TCP11L2: variants seen among roughly 807,000 people sequenced by gnomAD.
The protein encoded by TCP11L2 is t-complex 11 like 2.
In TCP11L2, 39 loss-of-function variants were observed where a neutral mutation model predicts 50.7. That is an observed-to-expected ratio of 0.77 (90% CI 0.60 to 1.01). The LOEUF is 1.01. Among genes scored for constraint, TCP11L2 ranks in the 50% least tolerant of loss-of-function variants. The pLI is 0.00. For missense variants in TCP11L2, 612 were observed against 614.7 expected (o/e 1.00, Z 0.05); for synonymous variants, 192 against 219.3 (o/e 0.88, Z 1.10).
At chr12:106,319,307 T>C (rs570191347) in intron 4 of TCP11L2, among the ~76,000 whole-genome samples, 6 of 152,172 alleles carry the variant, frequency 3.9e-5, no homozygotes, top group East Asian at 3.8e-4. Context: ...TACCATTCCA[T>C]TGGGGATTGG....
chr12:106,339,025 G>A (rs1184370563), intron 8 of TCP11L2, among the ~76,000 whole-genome samples: 1 of 152,134 alleles, frequency 6.6e-6, no homozygotes, highest in East Asian at 1.9e-4. Context: ...CATGCCTGTA[G>A]TCCCAGCTAC....
At chr12:106,316,238 A>G (rs1168570660) in intron 3 of TCP11L2, among the ~76,000 whole-genome samples, 1 of 117,372 alleles carries the variant, frequency 8.5e-6, no homozygotes, top group Non-Finnish European at 1.9e-5. Context: ...AGCCCCCAAC[A>G]GTTCATCTTC....
intron 2 of TCP11L2, chr12:106,312,220 A>G: frequency 2.4e-6 from 1 of 410,432 alleles, no homozygotes; most frequent in South Asian, 1.8e-5. Flanking sequence ...TGTACGGTAA[A>G]ATTAACCATT....
At chr12:106,344,347 T>G (rs941949528) in intron 9 of TCP11L2, among the ~76,000 whole-genome samples, 5 of 152,016 alleles carry the variant, frequency 3.3e-5, no homozygotes, top group African/African-American at 1.2e-4. Context: ...AATATAAAGA[T>G]AAAAAAGATA....
intron 8 of TCP11L2, among the ~76,000 whole-genome samples, chr12:106,337,739 T>C (rs1336053684): frequency 1.3e-5 from 2 of 152,242 alleles, no homozygotes; most frequent in Admixed American, 6.5e-5. Context: ...GGAATAATAA[T>C]TGTATTAATA....
rs563728800 is a variant in TCP11L2 at position 106,310,998 on chromosome 12, A to C, written c.-35-43A>C. 9.9e-5 allele frequency: 147 copies of C among 1,487,128 alleles called. 1 individual carries two copies. In the African/African-American group the frequency reaches 1.7e-3, roughly 18 times the overall value. 92.1% of individuals were successfully genotyped at this position (1,487,128 alleles called of 1,614,324 possible). ...GAAGAAGCATTGGTGGTGCCTGTGG[A>C]AGTACCACAGAACATTGACGCAGGG... is the stretch of plus-strand genomic sequence containing the variant. On this transcript the variant is annotated intron_variant, in intron 1 of 9. Transcript: ENST00000299045.
rs1222375523 is a variant in TCP11L2, at chr12:106,311,159, T to C, written c.84T>C (p.Ala28=). The change falls in exon 2 of 10, where the codon GCT becomes GCC. Residue 28 remains alanine, a synonymous_variant. Transcript: ENST00000299045. The part of the protein sequence containing the change: ...SDSSRFSESM[A]SLSDYECSRQ... ...CTTCCCGGTTTTCCGAAAGCATGGC[T>C]TCGCTCAGTGACTATGAATGCTCCA... The C allele has an allele frequency of 6.2e-7, 1 of 1,614,240 alleles. No homozygotes were observed.
intron 8 of TCP11L2, among the ~76,000 whole-genome samples, chr12:106,338,868 C>T (rs112497211): frequency 0.081 from 12,395 of 152,260 alleles, 589 homozygotes; most frequent in Middle Eastern, 0.15. Context: ...AGGCTGGGCA[C>T]GGTGGCTCAC....
intron 2 of TCP11L2, among the ~76,000 whole-genome samples, chr12:106,312,033 A>G (rs932945218): frequency 2.0e-5 from 3 of 152,246 alleles, no homozygotes; most frequent in African/African-American, 7.2e-5. Flanking sequence ...ATTGCCTATG[A>G]TATCACTCAA....
chr12:106,324,303 G>C (rs1395653732), intron 6 of TCP11L2: 1 of 152,222 alleles, frequency 6.6e-6, no homozygotes, highest in Non-Finnish European at 1.5e-5. Context: ...TCTAGCCTGA[G>C]GGACTGCAGG....
At chr12:106,333,786 G>A (rs995263075) in intron 6 of TCP11L2, among the ~76,000 whole-genome samples, 3 of 151,986 alleles carry the variant, frequency 2.0e-5, no homozygotes, top group African/African-American at 4.8e-5. Flanking sequence ...ACATATAACA[G>A]GTATAAAGTA....
intron 8 of TCP11L2, among the ~76,000 whole-genome samples, chr12:106,338,355 C>A (rs1017169311): frequency 1.4e-5 from 1 of 72,796 alleles, no homozygotes; most frequent in Non-Finnish European, 3.5e-5. Context: ...ATCTGTTGTT[C>A]CCCTTTATGT....
intron 9 of TCP11L2, among the ~76,000 whole-genome samples, chr12:106,344,098 G>T (rs1430273783): frequency 6.6e-6 from 1 of 151,696 alleles, no homozygotes; most frequent in Non-Finnish European, 1.5e-5. Flanking sequence ...GCAGGAGGAT[G>T]GCTTGAGGCC....
intron 6 of TCP11L2, among the ~76,000 whole-genome samples, chr12:106,327,602 G>T (rs904237430): frequency 1.3e-5 from 2 of 152,168 alleles, no homozygotes; most frequent in Admixed American, 1.3e-4. Context: ...GGTCATTATT[G>T]CTTAGCAAGA....
chr12:106,321,564 A>G lies in TCP11L2; in HGVS notation c.493A>G (p.Arg165Gly). Residue 165 changes from arginine to glycine, a missense_variant, in exon 5 of 10, where the codon AGG (arginine) becomes GGG (glycine). Physicochemically the swap from Arg to Gly is moderately radical, Grantham distance 125 (BLOSUM62 -2). Coordinates refer to ENST00000299045, the MANE Select transcript of TCP11L2 (RefSeq NM_152772.3). ...TGAAGTTTTGGACACAGACCTCATT[A>G]GGCAGCAGGCTGAGCACAGTGCTGT... is the stretch of plus-strand genomic sequence containing the variant. ...ICEVLDTDLIRQQAEHSAVDI... is the reference protein window; with the variant it reads ...ICEVLDTDLIGQQAEHSAVDI... 6.2e-7 allele frequency: 1 copy of G among 1,614,228 alleles called. No individual in the cohort carries two copies. The highest frequency in any genetic ancestry group is 2.2e-5 in the East Asian group (1 of 44,890).
intron 6 of TCP11L2, among the ~76,000 whole-genome samples, chr12:106,332,412 A>C (rs1270598818): frequency 6.6e-6 from 1 of 152,220 alleles, no homozygotes; most frequent in Non-Finnish European, 1.5e-5. Flanking sequence ...ATGGCTTTCA[A>C]CAGGTAAGTA....
At chr12:106,329,573 G>A (rs2035675429) in intron 6 of TCP11L2, 6 of 1,402,248 alleles carry the variant, frequency 4.3e-6, no homozygotes, top group African/African-American at 1.5e-5. Context: ...ATAAATCAAA[G>A]TCTCCAGGAG....
At chr12:106,300,033 G>GA (rs373001657), upstream of TCP11L2, among the ~76,000 whole-genome samples, 337 of 150,590 alleles carry the variant, frequency 2.2e-3, 1 homozygote, top group African/African-American at 7.9e-3. Context: ...TTTACAGGGA[G>GA]AAAAAAAAAC....
At chr12:106,308,872 A>G (rs1194313131) in intron 1 of TCP11L2, among the ~76,000 whole-genome samples, 1 of 152,218 alleles carries the variant, frequency 6.6e-6, no homozygotes, top group African/African-American at 2.4e-5. Flanking sequence ...ACACTGAATG[A>G]ATACTTGTCA....
Sources: gnomAD v4.1 joint callset for allele counts (sites outside exome capture counted in the v4.1 genomes callset) on GRCh38, gnomAD v4.1.1 for gene constraint, MANE v1.5 for transcripts, NCBI Gene and HGNC (gene_info 2026-07-23, HGNC 2026-07-21) for gene names.